The following MYB variants were observed in gnomAD, a reference collection of about 807,000 sequenced individuals.
The protein encoded by MYB is transcriptional activator Myb.
In MYB, 28 loss-of-function variants were observed where a neutral mutation model predicts 92.9. The observed-to-expected ratio is 0.30, with a 90% CI of 0.22 to 0.41. MYB has a LOEUF of 0.41. MYB is among the 10% of genes least tolerant of loss of function. The probability of loss-of-function intolerance (pLI) is 1.00; values close to 1 mark genes in which losing one functional copy is unlikely to be tolerated. For synonymous variants in MYB, 295 were observed against 329.1 expected (o/e 0.90, Z 1.12); for missense variants, 679 against 929.3 (o/e 0.73, Z 3.50).
chr6:135,217,998 A>T lies in MYB; in HGVS notation c.*18A>T. ...TCATGTGAGACATTTCCAGAAAAGC[A>T]TTATGGTTTTCAGAACACTTCAAGT... On this transcript the variant is annotated 3_prime_UTR_variant, in exon 16 of 16. Coordinates refer to ENST00000341911, the MANE Select transcript of MYB (RefSeq NM_001130173.2). 3.9e-6 allele frequency: 6 copies of T among 1,555,872 alleles called. No individual in the cohort carries two copies. The highest frequency in any genetic ancestry group is 5.3e-6 in the Non-Finnish European group (6 of 1,126,964).
chr6:135,207,784 G>T (rs1254329547), intron 15 of MYB, among the ~76,000 whole-genome samples: 1 of 149,700 alleles, frequency 6.7e-6, no homozygotes, highest in Non-Finnish European at 1.5e-5. Flanking sequence ...GCCCAGGCTG[G>T]GGTGCAGTGA....
rs1780697630 is a variant in MYB, at chr6:135,218,136, A to G, written c.*156A>G. On this transcript the variant is annotated 3_prime_UTR_variant, in exon 16 of 16. Transcript: ENST00000341911. ...GCACCAAGTGCATTTAGTTGAATGAAGTCTTCTTGGATTTCACCCAACTAA... is the reference window on the plus strand; with the variant it reads ...GCACCAAGTGCATTTAGTTGAATGAGGTCTTCTTGGATTTCACCCAACTAA... The G allele has an allele frequency of 3.4e-6, 2 of 582,802 alleles. No individual in the cohort carries two copies. The highest frequency in any genetic ancestry group is 3.2e-5 in the East Asian group (1 of 31,512). 36.1% of individuals were successfully genotyped at this position (582,802 alleles called of 1,614,324 possible).
intron 15 of MYB, among the ~76,000 whole-genome samples, chr6:135,214,453 C>T (rs1251044163): frequency 6.6e-6 from 1 of 152,058 alleles, no homozygotes; most frequent in Admixed American, 6.6e-5. Context: ...ATTCCCCTTC[C>T]CCTCCATTTG....
intron 15 of MYB, among the ~76,000 whole-genome samples, chr6:135,216,973 G>C (rs1373452223): frequency 6.6e-6 from 1 of 152,208 alleles, no homozygotes; most frequent in African/African-American, 2.4e-5. Flanking sequence ...CGAGGTGATG[G>C]TGCTGTTTTA....
intron 1 of MYB, among the ~76,000 whole-genome samples, chr6:135,185,193 C>T (rs1185372089): frequency 6.6e-6 from 1 of 152,184 alleles, no homozygotes; most frequent in Non-Finnish European, 1.5e-5. Flanking sequence ...CTTAGTTACT[C>T]TAGAAACTAA....
intron 15 of MYB, among the ~76,000 whole-genome samples, chr6:135,209,625 A>G (rs1779446922): frequency 6.6e-6 from 1 of 152,194 alleles, no homozygotes; most frequent in Admixed American, 6.5e-5. Context: ...ATAAGCCATT[A>G]TGTACACTCA....
chr6:135,207,084 A>G (rs1328045002), intron 15 of MYB, among the ~76,000 whole-genome samples: 2 of 152,182 alleles, frequency 1.3e-5, no homozygotes, highest in African/African-American at 4.8e-5. Context: ...TGATAATCCA[A>G]TTTGACCTAA....
At position 135,193,989 on chromosome 6, in the gene MYB, A is replaced by G. The variant is rs898970019; in HGVS notation, c.843+71A>G. On this transcript the variant is annotated intron_variant, in intron 7 of 15. Transcript: ENST00000341911. ...ATGCTTATTTCTTTCATCTAAACACATATTTTTACCTGAGCAACTAAAGTA... is the reference window on the plus strand; with the variant it reads ...ATGCTTATTTCTTTCATCTAAACACGTATTTTTACCTGAGCAACTAAAGTA... 8 of 1,263,278 alleles carry G rather than the reference A, an allele frequency of 6.3e-6. No individual in the cohort carries two copies. The African/African-American group carries it at 7.4e-5, about 12-fold the overall frequency. 78.3% of individuals were successfully genotyped at this position (1,263,278 alleles called of 1,614,324 possible).
At chr6:135,204,559 T>C (rs1429024466) in intron 15 of MYB, among the ~76,000 whole-genome samples, 2 of 152,088 alleles carry the variant, frequency 1.3e-5, no homozygotes, top group African/African-American at 4.8e-5. Context: ...CACCTCGGCC[T>C]CCTACAGTGC....
At chr6:135,206,485 C>A (rs1158176781) in intron 15 of MYB, among the ~76,000 whole-genome samples, 1 of 151,812 alleles carries the variant, frequency 6.6e-6, no homozygotes, top group African/African-American at 2.4e-5. Context: ...ATCACAAGGT[C>A]AGGAGTTTGA....
intron 14 of MYB, chr6:135,202,792 G>T: frequency 5.1e-6 from 2 of 394,150 alleles, no homozygotes; most frequent in Non-Finnish European, 1.0e-5. Context: ...AGAAGGTCTT[G>T]TTCTAAATTC....
At chr6:135,196,766 C>T in intron 9 of MYB, 195 bp from the exon 10 acceptor site, 3 of 1,531,900 alleles carry the variant, frequency 2.0e-6, no homozygotes, top group Non-Finnish European at 2.6e-6. Context: ...ATCAGAGGGC[C>T]AGCCTTGAGG....
Position 135,197,186 on chromosome 6 carries a change from C to T in MYB, c.1429C>T (p.Leu477=). 6.2e-7 allele frequency: 1 copy of T among 1,614,006 alleles called. No homozygotes were observed. Among genetic ancestry groups the T allele is most frequent in the South Asian group, 1.1e-5 (1 of 91,086 alleles). The part of the protein sequence containing the change: ...LPPARHSTIP[L]VILRKKRGQA... ...TCCTGCAAGGCACAGCACAATTCCA[C>T]TGGTCATCCTTCGAAAAAAACGGGG... The change falls in exon 10 of 16, where the codon CTG becomes TTG. Residue 477 remains leucine (L), a synonymous_variant. Coordinates refer to ENST00000341911, the MANE Select transcript of MYB (RefSeq NM_001130173.2).
At chr6:135,196,190 C>A (rs1021353090) in intron 9 of MYB, among the ~76,000 whole-genome samples, 188 bp downstream of exon 9, 30 of 151,716 alleles carry the variant, frequency 2.0e-4, no homozygotes, top group African/African-American at 7.0e-4. Flanking sequence ...CCGAGAGAGA[C>A]AAAAGTATTT....
chr6:135,216,000 A>C (rs1045058400), intron 15 of MYB, among the ~76,000 whole-genome samples: 1 of 152,196 alleles, frequency 6.6e-6, no homozygotes, highest in Non-Finnish European at 1.5e-5. Flanking sequence ...AATACCAGGA[A>C]TAGTGCCTTT....
intron 13 of MYB, 87 bp from the exon 14 acceptor site, chr6:135,201,552 T>G (rs1778095058): frequency 1.3e-6 from 1 of 776,174 alleles, no homozygotes; most frequent in African/African-American, 1.8e-5. Context: ...TAAAAGTATT[T>G]GAGGGACTGG....
intron 14 of MYB, 197 bp from the exon 15 acceptor site, chr6:135,203,020 G>A: frequency 1.1e-5 from 8 of 702,438 alleles, no homozygotes; most frequent in Non-Finnish European, 1.6e-5. Context: ...GGTGATGTTT[G>A]CCACAATGGG....
intron 1 of MYB, among the ~76,000 whole-genome samples, chr6:135,183,694 C>T (rs112085430): frequency 9.2e-4 from 140 of 152,370 alleles, no homozygotes; most frequent in Non-Finnish European, 1.7e-3. Context: ...GAGCTGGGCG[C>T]GTGAGCAGCC....
At position 135,199,060 on chromosome 6, in the gene MYB, T is replaced by C. The variant is rs1777711333; in HGVS notation, c.1709+10T>C. On this transcript the variant is annotated intron_variant, in intron 11 of 15. Coordinates refer to ENST00000341911, the MANE Select transcript of MYB (RefSeq NM_001130173.2). ...AAAAGGAAAATACTGTGTAAGTCTT[T>C]GGTTCAGGAATAAAATGATTTATCT... 5 of 1,568,868 alleles carry C rather than the reference T, an allele frequency of 3.2e-6. No individual in the cohort carries two copies. Among genetic ancestry groups the C allele is most frequent in the Middle Eastern group, 3.4e-4 (2 of 5,894 alleles).
Sources: gnomAD v4.1 joint callset for allele counts (sites outside exome capture counted in the v4.1 genomes callset) on GRCh38, gnomAD v4.1.1 for gene constraint, MANE v1.5 for transcripts, NCBI Gene and HGNC (gene_info 2026-07-23, HGNC 2026-07-21) for gene names.